EPB41L2: variants seen among roughly 807,000 people sequenced by gnomAD.
The protein encoded by EPB41L2 is erythrocyte membrane protein band 4.1 like 2.
Under a neutral mutation model 113.0 loss-of-function variants are expected in EPB41L2, and 43 were observed. That is an observed-to-expected ratio of 0.38 (90% CI 0.30 to 0.49). The LOEUF (loss-of-function observed/expected upper bound fraction) is 0.49, where lower values mean the gene tolerates loss of function less well. Among genes scored for constraint, EPB41L2 ranks in the 20% least tolerant of loss-of-function variants. EPB41L2 has a pLI of 0.95. For synonymous variants in EPB41L2, 442 were observed against 436.7 expected (o/e 1.01, Z -0.15); for missense variants, 1,147 against 1,223.4 (o/e 0.94, Z 0.93).
chr6:130,908,394 C>T (rs1798349777), intron 5 of EPB41L2, among the ~76,000 whole-genome samples: 1 of 152,090 alleles, frequency 6.6e-6, no homozygotes, highest in African/African-American at 2.4e-5. Context: ...GTCCTCACTC[C>T]AGTACATCCA....
rs1816947116 is a variant in EPB41L2, at chr6:130,955,104, C to G, written c.705+1G>C. 1.2e-6 allele frequency: 2 copies of G among 1,613,826 alleles called. No homozygotes were observed. Among genetic ancestry groups the G allele is most frequent in the Non-Finnish European group, 1.7e-6 (2 of 1,179,872 alleles). On this transcript the variant is annotated splice_donor_variant, in intron 3 of 19. Coordinates refer to ENST00000337057, the MANE Select transcript of EPB41L2 (RefSeq NM_001431.4). LOFTEE classifies it high-confidence loss of function. ...AGCTCTCACTCAGCTCCCTATCTCA[C>G]CTCCAGGTCACAGCTGTATTCGGTG... is the stretch of plus-strand genomic sequence containing the variant.
chr6:130,876,884 G>T lies in EPB41L2; in HGVS notation c.2043+1220C>A, dbSNP rs1005646587. Reference sequence around the variant, plus strand: ...AGTGTGGGTCAATGACACACACCAGGAGAAGTGGCACATAATGGAAGGTGA... The same window carrying T: ...AGTGTGGGTCAATGACACACACCAGTAGAAGTGGCACATAATGGAAGGTGA... On this transcript the variant is annotated intron_variant, in intron 14 of 19. Transcript: ENST00000337057. 3 of 439,968 alleles carry T rather than the reference G, an allele frequency of 6.8e-6. No homozygotes were observed. In the Admixed American group the frequency reaches 1.1e-4, roughly 16 times the overall value. The allele number at this position is 439,968 out of a possible 1,614,324, so 27.3% of individuals were successfully genotyped here. A position where few individuals can be genotyped will look rare whatever the true frequency, so the allele number is the denominator to read the frequency against.
At chr6:130,988,801 A>G (rs1184901156) in intron 1 of EPB41L2, among the ~76,000 whole-genome samples, 1 of 152,170 alleles carries the variant, frequency 6.6e-6, no homozygotes, top group Non-Finnish European at 1.5e-5. Flanking sequence ...AGAATGAAGG[A>G]AAGGAGGCTG....
intron 5 of EPB41L2, 37 bp downstream of exon 5, chr6:130,908,784 C>T (rs1798469254): frequency 6.7e-7 from 1 of 1,497,522 alleles, no homozygotes; most frequent in Non-Finnish European, 9.2e-7. Flanking sequence ...GATATCAAGA[C>T]ACCTTAACTT....
chr6:131,011,232 G>C (rs1786876219), intron 1 of EPB41L2, among the ~76,000 whole-genome samples: 1 of 152,190 alleles, frequency 6.6e-6, no homozygotes. Flanking sequence ...AAGAATAGAG[G>C]ATGAAGTAGG....
chr6:130,876,724 G>A (rs1228810043), intron 14 of EPB41L2: 1 of 1,304,014 alleles, frequency 7.7e-7, no homozygotes, highest in African/African-American at 1.5e-5. Context: ...GTCGGCATCA[G>A]GTACTTCTCC....
chr6:131,057,264 G>A (rs914914883), intron 1 of EPB41L2, among the ~76,000 whole-genome samples: 2 of 152,020 alleles, frequency 1.3e-5, no homozygotes, highest in Non-Finnish European at 2.9e-5. Context: ...ACACACACAG[G>A]AGTGCATGCA....
At chr6:130,990,118 TA>T (rs1237171263) in intron 1 of EPB41L2, among the ~76,000 whole-genome samples, 5 of 152,052 alleles carry the variant, frequency 3.3e-5, no homozygotes, top group Non-Finnish European at 5.9e-5. Context: ...GTCAGGAGTT[TA>T]AGACCAGCCT....
In EPB41L2 at chr6:130,895,059, C is replaced by G. The variant is rs771384204; in HGVS notation, c.1297G>C (p.Asp433His). The G allele has an allele frequency of 6.2e-7, 1 of 1,613,834 alleles. No individual in the cohort carries two copies. ...VCANGLLIYK[D>H]RLRINRFAWP... The stretch of plus-strand genomic sequence containing the variant: ...GCAAAACGATTGATTCGCAGTCTGT[C>G]TTTGTAAATGAGAAGTCCATTAGCA... Residue 433 changes from aspartate to histidine, a missense_variant, in exon 9 of 20, where the codon GAC becomes CAC. Asp to His is a moderately conservative substitution (Grantham distance 81, BLOSUM62 -1). Transcript: ENST00000337057.
intron 3 of EPB41L2, among the ~76,000 whole-genome samples, chr6:130,943,255 T>A (rs1467550613): frequency 6.6e-6 from 1 of 152,212 alleles, no homozygotes; most frequent in African/African-American, 2.4e-5. Context: ...CTCTCCAGCA[T>A]CTGTTGTCTC....
chr6:130,935,219 TAACCTGC>T (rs1808381594), intron 3 of EPB41L2, among the ~76,000 whole-genome samples: 2 of 152,232 alleles, frequency 1.3e-5, no homozygotes, highest in Non-Finnish European at 2.9e-5. Flanking sequence ...CCAGTAACTG[TAACCTGC>T]AATCATTTAA....
chr6:130,966,123 G>A (rs952093301), intron 1 of EPB41L2, among the ~76,000 whole-genome samples: 1 of 152,068 alleles, frequency 6.6e-6, no homozygotes, highest in Non-Finnish European at 1.5e-5. Context: ...GGCCTCCTGC[G>A]GCCTGCAGGC....
intron 3 of EPB41L2, among the ~76,000 whole-genome samples, chr6:130,927,182 A>G (rs1805046648): frequency 6.6e-6 from 1 of 152,184 alleles, no homozygotes; most frequent in Non-Finnish European, 1.5e-5. Context: ...TGTAGAATAG[A>G]ATTTTATTTT....
intron 1 of EPB41L2, among the ~76,000 whole-genome samples, chr6:131,058,591 T>C (rs1019876909): frequency 3.3e-5 from 5 of 152,232 alleles, no homozygotes; most frequent in Admixed American, 2.6e-4. Flanking sequence ...AATGAATTAA[T>C]TCATCAAATA....
chr6:130,962,224 T>C (rs1435449032), intron 1 of EPB41L2, among the ~76,000 whole-genome samples: 1 of 151,864 alleles, frequency 6.6e-6, no homozygotes, highest in Non-Finnish European at 1.5e-5. Flanking sequence ...GTGATGCTTC[T>C]CAAATATATT....
intron 1 of EPB41L2, among the ~76,000 whole-genome samples, chr6:131,053,487 G>A (rs977035416): frequency 1.4e-4 from 21 of 149,634 alleles, no homozygotes; most frequent in African/African-American, 3.9e-4. Context: ...AAGGCCAGGG[G>A]AAGAAAAGCT....
intron 3 of EPB41L2, among the ~76,000 whole-genome samples, chr6:130,941,780 A>G (rs1033193370): frequency 1.3e-5 from 2 of 152,200 alleles, no homozygotes; most frequent in Non-Finnish European, 2.9e-5. Context: ...CTGCAAATGA[A>G]GTACACTTAT....
At chr6:130,996,360 C>T (rs1033512486) in intron 1 of EPB41L2, among the ~76,000 whole-genome samples, 2 of 149,124 alleles carry the variant, frequency 1.3e-5, no homozygotes, top group African/African-American at 5.0e-5. Flanking sequence ...CAGCACAGAT[C>T]AGCTCTTGTT....
chr6:130,884,343 T>TA (rs1026607808), intron 12 of EPB41L2, among the ~76,000 whole-genome samples: 9 of 151,472 alleles, frequency 5.9e-5, no homozygotes, highest in South Asian at 2.1e-4. Context: ...CTCGAAAAAA[T>TA]AAAAAAAATA....
Sources: allele counts gnomAD v4.1 joint callset (sites outside exome capture counted in the v4.1 genomes callset), GRCh38; gene constraint gnomAD v4.1.1; transcripts MANE v1.5; gene names NCBI Gene and HGNC (gene_info 2026-07-23, HGNC 2026-07-21).